The following RHBDD1 variants were observed in gnomAD, a reference collection of about 807,000 sequenced individuals.
RHBDD1 encodes rhomboid domain containing 1.
Under a neutral mutation model 36.3 loss-of-function variants are expected in RHBDD1, and 38 were observed. That is an observed-to-expected ratio of 1.05 (90% CI 0.81 to 1.37). The LOEUF is 1.37. Among genes scored for constraint, RHBDD1 ranks in the 40% most tolerant of loss-of-function variants. RHBDD1 has a pLI of 0.00. For synonymous variants in RHBDD1, 151 were observed against 136.5 expected (o/e 1.11, Z -0.74); for missense variants, 393 against 377.6 (o/e 1.04, Z -0.34).
At chr2:226,877,681 C>G (rs997098706) in intron 5 of RHBDD1, among the ~76,000 whole-genome samples, 2 of 150,578 alleles carry the variant, frequency 1.3e-5, no homozygotes, top group African/African-American at 4.9e-5. Flanking sequence ...AAGTGCTTTT[C>G]TTTTTCCACA....
At chr2:226,814,360 G>A in the RHBDD1 span, among the ~76,000 whole-genome samples, 1 of 152,036 alleles carries the variant, frequency 6.6e-6, no homozygotes, top group South Asian at 2.1e-4. Context: ...GCAGGCATTT[G>A]GTACTCAATT....
At chr2:226,826,136 C>T in the RHBDD1 span, among the ~76,000 whole-genome samples, 1 of 152,216 alleles carries the variant, frequency 6.6e-6, no homozygotes, top group South Asian at 2.1e-4. Context: ...CTTAGGAAAA[C>T]ATGTAGACGA....
the RHBDD1 span, among the ~76,000 whole-genome samples, chr2:226,818,182 T>TG: frequency 1.5e-5 from 2 of 129,690 alleles, no homozygotes; most frequent in Admixed American, 8.3e-5. Context: ...TTTTTTGAGA[T>TG]GGAGTCTCAC....
intron 5 of RHBDD1, among the ~76,000 whole-genome samples, chr2:226,901,146 C>T (rs1947551235): frequency 6.6e-6 from 1 of 152,138 alleles, no homozygotes; most frequent in African/African-American, 2.4e-5. Context: ...TGGCTTATTT[C>T]ATTTAGGAAA....
the RHBDD1 span, among the ~76,000 whole-genome samples, chr2:226,813,333 T>C: frequency 1.3e-5 from 2 of 152,162 alleles, no homozygotes; most frequent in Non-Finnish European, 2.9e-5. Flanking sequence ...GTGGTTTCTC[T>C]CTCCAGCAGT....
intron 5 of RHBDD1, chr2:226,867,579 A>T: frequency 1.0e-6 from 1 of 985,230 alleles, no homozygotes; most frequent in Non-Finnish European, 1.2e-6. Context: ...AACCTGCTAT[A>T]CTGATCTGAG....
In RHBDD1 at chr2:226,864,883, G is replaced by A; in HGVS notation, c.190G>A (p.Asp64Asn). The part of the protein sequence containing the change: ...LSVEKCYQQK[D>N]WQRLLLSPLH... ...TGTGGAGAAGTGTTACCAGCAAAAA[G>A]ACTGGCAGCGTTTACTGCTCTCTCC... is the stretch of plus-strand genomic sequence containing the variant. The change falls in exon 4 of 9, where the codon GAC becomes AAC. Residue 64 changes from aspartate to asparagine, a missense_variant. By Grantham distance (23) the Asp-to-Asn change is conservative. Coordinates refer to ENST00000392062, the MANE Select transcript of RHBDD1 (RefSeq NM_001167608.3). 6.2e-7 allele frequency: 1 copy of A among 1,614,198 alleles called. No homozygotes were observed. The highest frequency in any genetic ancestry group is 8.5e-7 in the Non-Finnish European group (1 of 1,180,046).
At chr2:226,838,513 C>G (rs1941252960) in intron 2 of RHBDD1, among the ~76,000 whole-genome samples, 1 of 152,140 alleles carries the variant, frequency 6.6e-6, no homozygotes, top group African/African-American at 2.4e-5. Context: ...AAGTAGGAGT[C>G]ATAGGATGTG....
rs1276187487 is a variant in RHBDD1 at position 226,995,765 on chromosome 2, A to G, written c.*243A>G. On this transcript the variant is annotated 3_prime_UTR_variant, in exon 9 of 9. Coordinates refer to ENST00000392062, the MANE Select transcript of RHBDD1 (RefSeq NM_001167608.3). Reference sequence around the variant, plus strand: ...AACAGGTCACTTCCTCCATGAAGAGACCAGTTTCCACGCTCCCATCTCTCA... The same window carrying G: ...AACAGGTCACTTCCTCCATGAAGAGGCCAGTTTCCACGCTCCCATCTCTCA... The G allele has an allele frequency of 2.6e-5, 13 of 493,108 alleles. No homozygotes were observed. The highest frequency in any genetic ancestry group is 4.3e-5 in the Non-Finnish European group (12 of 280,684). The allele number at this position is 493,108 out of a possible 1,614,324, so 30.5% of individuals were successfully genotyped here. A position where few individuals can be genotyped will look rare whatever the true frequency, so the allele number is the denominator to read the frequency against.
chr2:226,893,174 T>A (rs1424248426), intron 5 of RHBDD1, among the ~76,000 whole-genome samples: 1 of 152,230 alleles, frequency 6.6e-6, no homozygotes, highest in Non-Finnish European at 1.5e-5. Flanking sequence ...GGCCATGGAA[T>A]TTCTAGCTAT....
intron 5 of RHBDD1, among the ~76,000 whole-genome samples, chr2:226,871,948 C>G (rs1055657566): frequency 1.3e-5 from 2 of 152,198 alleles, no homozygotes; most frequent in African/African-American, 4.8e-5. Flanking sequence ...ACTTGGACAT[C>G]ATGCGGATAA....
intron 8 of RHBDD1, among the ~76,000 whole-genome samples, chr2:226,961,592 A>G (rs1426858245): frequency 6.6e-6 from 1 of 152,070 alleles, no homozygotes; most frequent in Non-Finnish European, 1.5e-5. Context: ...AGCTGCAATT[A>G]AGGCAGAGAG....
chr2:226,866,928 T>C (rs1284303901), intron 4 of RHBDD1, among the ~76,000 whole-genome samples: 1 of 152,206 alleles, frequency 6.6e-6, no homozygotes, highest in African/African-American at 2.4e-5. Flanking sequence ...TAGTATTTTA[T>C]TCACATGGTA....
At chr2:226,841,980 A>G (rs1002010785) in intron 3 of RHBDD1, among the ~76,000 whole-genome samples, 6 of 152,058 alleles carry the variant, frequency 3.9e-5, no homozygotes, top group Admixed American at 3.3e-4. Flanking sequence ...CTTTTTAATA[A>G]TAGCCATTCT....
chr2:226,836,122 C>A (rs1011104293), intron 1 of RHBDD1, 35 bp downstream of exon 1: 2 of 152,880 alleles, frequency 1.3e-5, no homozygotes, highest in Non-Finnish European at 2.9e-5. Flanking sequence ...CGGCTGCTGT[C>A]GTTGGTTGTG....
rs1054597561 is a variant in RHBDD1, at chr2:226,983,628, T to C, written c.857-11803T>C. Among the ~76,000 whole-genome samples the C allele has an allele frequency of 3.3e-5, 5 of 152,232 alleles. No homozygotes were observed. In the South Asian group the frequency reaches 6.2e-4, roughly 19 times the overall value. On this transcript the variant is annotated intron_variant, in intron 8 of 8. Coordinates refer to ENST00000392062, the MANE Select transcript of RHBDD1 (RefSeq NM_001167608.3). ...TTTCCCACTGGCTTGTCTTTTTTTT[T>C]CCTTATTCCTTGAATGCTTGGGATG...
intron 3 of RHBDD1, among the ~76,000 whole-genome samples, chr2:226,856,629 T>C (rs1943352559): frequency 6.6e-6 from 1 of 152,118 alleles, no homozygotes; most frequent in Non-Finnish European, 1.5e-5. Context: ...GAAGAAAAGC[T>C]CCAGTTCAGT....
At chr2:226,912,617 A>T (rs1948599910) in intron 7 of RHBDD1, among the ~76,000 whole-genome samples, 1 of 152,198 alleles carries the variant, frequency 6.6e-6, no homozygotes. Context: ...GCCACATATT[A>T]CATGATTTTG....
upstream of RHBDD1, chr2:226,835,479 ACT>A (rs1940871231): frequency 6.6e-6 from 1 of 152,134 alleles, no homozygotes; most frequent in African/African-American, 2.4e-5. Flanking sequence ...TGGCTCTGGG[ACT>A]CTGCGATAAG....
Sources: allele counts gnomAD v4.1 joint callset (sites outside exome capture counted in the v4.1 genomes callset), GRCh38; gene constraint gnomAD v4.1.1; transcripts MANE v1.5; gene names NCBI Gene and HGNC (gene_info 2026-07-23, HGNC 2026-07-21).